The following GRM3 variants were observed in gnomAD, a reference collection of about 807,000 sequenced individuals.
GRM3 encodes glutamate metabotropic receptor 3.
In GRM3, 26 loss-of-function variants were observed where a neutral mutation model predicts 70.5. The ratio of observed to expected loss-of-function variants is 0.37; its 90% confidence interval spans 0.27 to 0.51. GRM3 has a LOEUF of 0.51. GRM3 is among the 20% of genes least tolerant of loss of function. The pLI is 0.93. For missense variants in GRM3, 859 were observed against 1,123.8 expected (o/e 0.76, Z 3.37); for synonymous variants, 443 against 434.9 (o/e 1.02, Z -0.23).
At chr7:86,845,314 T>A (rs1452680843) in intron 4 of GRM3, among the ~76,000 whole-genome samples, 1 of 152,254 alleles carries the variant, frequency 6.6e-6, no homozygotes, top group Non-Finnish European at 1.5e-5. Flanking sequence ...AGCATGGTGC[T>A]GTTATTGATC....
At chr7:86,650,690 A>T (rs74514511) in intron 1 of GRM3, among the ~76,000 whole-genome samples, 14,777 of 152,268 alleles carry the variant, frequency 0.097, 800 homozygotes, top group South Asian at 0.17. Flanking sequence ...TGTGAGGAAA[A>T]TATATTTCTT....
At chr7:86,701,358 T>G (rs1468461336) in intron 1 of GRM3, among the ~76,000 whole-genome samples, 1 of 151,846 alleles carries the variant, frequency 6.6e-6, no homozygotes, top group Non-Finnish European at 1.5e-5. Flanking sequence ...AATCCTAATA[T>G]TACAGGTAAA....
At chr7:86,819,255 G>T (rs574304518) in intron 3 of GRM3, among the ~76,000 whole-genome samples, 2 of 152,166 alleles carry the variant, frequency 1.3e-5, no homozygotes, top group East Asian at 3.9e-4. Context: ...TCTATGGAAA[G>T]CAATAGTTTT....
intron 2 of GRM3, among the ~76,000 whole-genome samples, chr7:86,782,853 T>C (rs892228783): frequency 1.3e-5 from 2 of 152,198 alleles, no homozygotes; most frequent in Non-Finnish European, 2.9e-5. Flanking sequence ...ATGTGAAGCA[T>C]ATCTCTTTTA....
chr7:86,696,122 A>G (rs1794811038), intron 1 of GRM3, among the ~76,000 whole-genome samples: 1 of 152,186 alleles, frequency 6.6e-6, no homozygotes, highest in Non-Finnish European at 1.5e-5. Context: ...CCTTTGCACC[A>G]AAGTGCTCAG....
intron 3 of GRM3, among the ~76,000 whole-genome samples, chr7:86,802,537 G>C: frequency 6.6e-6 from 1 of 151,664 alleles, no homozygotes; most frequent in South Asian, 2.1e-4. Flanking sequence ...GAGAGCATCA[G>C]ATTGCGCCAG....
intron 1 of GRM3, among the ~76,000 whole-genome samples, chr7:86,760,495 A>G (rs1432351433): frequency 2.6e-5 from 4 of 152,090 alleles, no homozygotes; most frequent in Non-Finnish European, 4.4e-5. Flanking sequence ...TGGCTGCAGT[A>G]GGGAGCCTGT....
intron 3 of GRM3, among the ~76,000 whole-genome samples, chr7:86,808,367 G>T (rs530359620): frequency 6.6e-6 from 1 of 151,914 alleles, no homozygotes; most frequent in Non-Finnish European, 1.5e-5. Context: ...CTGTGAATCC[G>T]TCTGGTCCTG....
chr7:86,673,528 T>A (rs891125046), intron 1 of GRM3, among the ~76,000 whole-genome samples: 1 of 152,154 alleles, frequency 6.6e-6, no homozygotes, highest in Non-Finnish European at 1.5e-5. Context: ...TCCTGCAATA[T>A]CCTGTTTATG....
At chr7:86,761,528 T>A (rs1004892051) in intron 1 of GRM3, among the ~76,000 whole-genome samples, 1 of 152,140 alleles carries the variant, frequency 6.6e-6, no homozygotes, top group Non-Finnish European at 1.5e-5. Context: ...ATTTCTCTTA[T>A]TTAATTCCCA....
At chr7:86,701,707 G>A (rs533164634) in intron 1 of GRM3, among the ~76,000 whole-genome samples, 1 of 151,846 alleles carries the variant, frequency 6.6e-6, no homozygotes, top group Non-Finnish European at 1.5e-5. Flanking sequence ...TACTCTTATG[G>A]GAAACAAAAA....
intron 3 of GRM3, among the ~76,000 whole-genome samples, chr7:86,819,103 G>A (rs61620226): frequency 0.011 from 1,688 of 152,160 alleles, 33 homozygotes; most frequent in African/African-American, 0.037. Flanking sequence ...TACTTCACTT[G>A]AAAGAGTACT....
intron 1 of GRM3, among the ~76,000 whole-genome samples, chr7:86,663,112 A>T (rs1042120871): frequency 2.0e-5 from 3 of 151,896 alleles, no homozygotes; most frequent in African/African-American, 7.2e-5. Context: ...AGTAACAGAG[A>T]CCATTTTACT....
intron 1 of GRM3, among the ~76,000 whole-genome samples, chr7:86,746,662 C>T (rs1241314339): frequency 6.6e-6 from 1 of 151,952 alleles, no homozygotes. Context: ...AAATTCCTAG[C>T]CCGATGCATT....
chr7:86,695,480 G>A (rs890738026), intron 1 of GRM3, among the ~76,000 whole-genome samples: 1 of 152,088 alleles, frequency 6.6e-6, no homozygotes, highest in Non-Finnish European at 1.5e-5. Context: ...TATTTAATTA[G>A]CAACTTAATC....
rs201413141 is a variant in GRM3, at chr7:86,839,335, C to T, written c.1821C>T (p.Val607=). ...TCAAGCACAACAACACACCCTTGGT[C>T]AAAGCATCGGGCCGAGAACTCTGCT... The part of the protein sequence containing the change: ...VFIKHNNTPL[V]KASGRELCYI... Residue 607 remains valine, a synonymous_variant, in exon 4 of 6, where the codon GTC becomes GTT. Transcript: ENST00000361669. The surrounding 1 kb of genome is among the most constrained non-coding windows in gnomAD (Gnocchi z 4.5). 1.4e-5 allele frequency: 23 copies of T among 1,614,018 alleles called. No individual in the cohort carries two copies. Among genetic ancestry groups the T allele is most frequent in the Non-Finnish European group, 1.9e-5 (22 of 1,179,934 alleles).
intron 1 of GRM3, among the ~76,000 whole-genome samples, chr7:86,705,647 G>A (rs1050586628): frequency 7.9e-5 from 12 of 151,940 alleles, no homozygotes; most frequent in African/African-American, 2.7e-4. Flanking sequence ...CTTTTCCTTT[G>A]TTTTGCATAC....
In GRM3 at chr7:86,815,676, C is replaced by T. The variant is rs1390220902; in HGVS notation, c.1325-23163C>T. Among the ~76,000 whole-genome samples, 5 of 152,008 alleles carry T rather than the reference C, an allele frequency of 3.3e-5. No individual in the cohort carries two copies. The East Asian group carries it at 9.7e-4, about 29-fold the overall frequency. ...TAGATTAAGTGAACATATACTTTATCATCCAACCCAGCCACTTATGAGAGT... is the reference window on the plus strand; with the variant it reads ...TAGATTAAGTGAACATATACTTTATTATCCAACCCAGCCACTTATGAGAGT... On this transcript the variant is annotated intron_variant, in intron 3 of 5. Coordinates refer to ENST00000361669, the MANE Select transcript of GRM3 (RefSeq NM_000840.3).
At chr7:86,723,281 A>G (rs1439816106) in intron 1 of GRM3, among the ~76,000 whole-genome samples, 1 of 152,144 alleles carries the variant, frequency 6.6e-6, no homozygotes, top group Non-Finnish European at 1.5e-5. Context: ...ATTAAAAGGA[A>G]GGAAAATGAC....
Sources: allele counts gnomAD v4.1 joint callset (sites outside exome capture counted in the v4.1 genomes callset), GRCh38; gene constraint gnomAD v4.1.1; non-coding constraint Gnocchi (gnomAD v3.1); transcripts MANE v1.5; gene names NCBI Gene and HGNC (gene_info 2026-07-23, HGNC 2026-07-21).